The following UBR1 variants were observed in gnomAD, a reference collection of about 807,000 sequenced individuals.
UBR1 encodes the protein E3 ubiquitin-protein ligase UBR1.
In UBR1, 102 loss-of-function variants were observed where a neutral mutation model predicts 242.1. The ratio of observed to expected loss-of-function variants is 0.42; its 90% CI spans 0.36 to 0.50. The LOEUF is 0.50. Among genes scored for constraint, UBR1 ranks in the 20% least tolerant of loss-of-function variants. The pLI, the probability that UBR1 is intolerant of heterozygous loss-of-function variation, is 0.01. For synonymous variants in UBR1, 675 were observed against 684.8 expected (o/e 0.99, Z 0.22); for missense variants, 1,772 against 2,101.8 (o/e 0.84, Z 3.07).
chr15:43,082,091 CAT>C (rs1491280170), intron 3 of UBR1, among the ~76,000 whole-genome samples: 5 of 151,946 alleles, frequency 3.3e-5, no homozygotes, highest in African/African-American at 1.2e-4. Flanking sequence ...TTGAAAACTA[CAT>C]TTTTTTCCTG....
chr15:43,065,099 A>C (rs1044281706), intron 6 of UBR1, among the ~76,000 whole-genome samples: 15 of 152,230 alleles, frequency 9.9e-5, no homozygotes, highest in African/African-American at 3.4e-4. Flanking sequence ...GTTGAAAATC[A>C]TAAGCCTGAT....
chr15:43,044,448 T>A (rs985375050), intron 14 of UBR1, among the ~76,000 whole-genome samples: 10 of 152,154 alleles, frequency 6.6e-5, no homozygotes, highest in Non-Finnish European at 1.5e-4. Context: ...AAGAATCAAA[T>A]CTGGGTGAAT....
chr15:42,993,256 C>T (rs1038721894), intron 33 of UBR1, among the ~76,000 whole-genome samples: 3 of 152,130 alleles, frequency 2.0e-5, no homozygotes, highest in Admixed American at 2.0e-4. Context: ...TAAATTTTGA[C>T]TTTAGTTCCC....
At chr15:43,003,085 C>T (rs1162704456) in intron 31 of UBR1, among the ~76,000 whole-genome samples, 2 of 152,126 alleles carry the variant, frequency 1.3e-5, no homozygotes, top group East Asian at 1.9e-4. Context: ...GTAAACTCTA[C>T]ACAAAAGATT....
intron 23 of UBR1, chr15:43,025,782 T>C (rs1048295110): frequency 3.1e-5 from 7 of 223,298 alleles, no homozygotes; most frequent in Non-Finnish European, 4.4e-5. Flanking sequence ...TGATCCTTCA[T>C]GGGACAAAAA....
Position 42,998,167 on chromosome 15 carries a change from C to T in UBR1, c.3757+1G>A. 6.2e-7 allele frequency: 1 copy of T among 1,611,380 alleles called. No individual in the cohort carries two copies. Among genetic ancestry groups the T allele is most frequent in the South Asian group, 1.1e-5 (1 of 90,948 alleles). ...CTAATATAAAATAAATTTAAGCAAA[C>T]CTTTAGCATGTCTTATATTATAACC... On this transcript the variant is annotated splice_donor_variant, in intron 33 of 46. Transcript: ENST00000290650. LOFTEE classifies it high-confidence loss of function.
At chr15:43,059,616 T>G in intron 8 of UBR1, 86 bp downstream of exon 8, 1 of 1,503,212 alleles carries the variant, frequency 6.7e-7, no homozygotes, top group Non-Finnish European at 9.0e-7. Context: ...AAAAACTTTA[T>G]TTCATACTCA....
At chr15:43,031,603 A>G (rs981649035) in intron 20 of UBR1, among the ~76,000 whole-genome samples, 12 of 152,232 alleles carry the variant, frequency 7.9e-5, no homozygotes, top group South Asian at 2.1e-4. Context: ...CTGACAAACA[A>G]TAAGTAAAAA....
Position 43,086,006 on chromosome 15 carries a change from C to T in UBR1, c.316G>A (p.Gly106Arg). 6.2e-7 allele frequency: 1 copy of T among 1,613,938 alleles called. No homozygotes were observed. Among genetic ancestry groups the T allele is most frequent in the Non-Finnish European group, 8.5e-7 (1 of 1,179,972 alleles). Residue 106 changes from glycine to arginine, a missense_variant, in exon 2 of 47, where the codon GGA (glycine) becomes AGA (arginine). By Grantham distance (125) the Gly-to-Arg change is moderately radical. This residue lies in a region of UBR1 where 734 missense variants were observed against 893.3 expected (regional missense o/e 0.82). Coordinates refer to ENST00000290650, the MANE Select transcript of UBR1 (RefSeq NM_174916.3). ...FQLCGRVFKS[G>R]ETTYSCRDCA... ...TACCTGCAAGAATAGGTTGTCTCTC[C>T]ACTTTTGAAAACCCTCCCACAAAGC... is the stretch of plus-strand genomic sequence containing the variant.
chr15:43,004,239 T>A (rs767950693), intron 30 of UBR1, among the ~76,000 whole-genome samples: 3 of 152,246 alleles, frequency 2.0e-5, no homozygotes, highest in Non-Finnish European at 2.9e-5. Flanking sequence ...GATAATTTAC[T>A]TTTTTAATTT....
intron 39 of UBR1, among the ~76,000 whole-genome samples, chr15:42,975,647 C>T (rs774051681): frequency 2.0e-5 from 3 of 151,892 alleles, no homozygotes; most frequent in Non-Finnish European, 4.4e-5. Context: ...CTTCAGAAGC[C>T]CTTATTGGTC....
chr15:43,056,311 T>C, intron 11 of UBR1, 33 bp downstream of exon 11: 1 of 1,510,262 alleles, frequency 6.6e-7, no homozygotes, highest in Non-Finnish European at 9.2e-7. Flanking sequence ...AAGTTTTACT[T>C]AGAAAGACTG....
chr15:43,007,130 T>C lies in UBR1; in HGVS notation c.3364A>G (p.Lys1122Glu), dbSNP rs780652360. The stretch of plus-strand genomic sequence containing the variant: ...CTGTGCTGGGTTAAGGCAGTAGATT[T>C]CTGGACACAGGCCGATAATACCATG... The part of the protein sequence containing the change: ...NAMVLSACVQ[K>E]STALTQHRGK... The change falls in exon 30 of 47, where the codon AAA becomes GAA. Residue 1122 changes from lysine to glutamate, a missense_variant. Transcript: ENST00000290650. 6.2e-7 allele frequency: 1 copy of C among 1,614,148 alleles called. No individual in the cohort carries two copies. Among genetic ancestry groups the C allele is most frequent in the South Asian group, 1.1e-5 (1 of 91,078 alleles).
intron 33 of UBR1, among the ~76,000 whole-genome samples, chr15:42,996,206 T>C (rs2032635740): frequency 6.6e-6 from 1 of 152,246 alleles, no homozygotes; most frequent in Admixed American, 6.5e-5. Context: ...TTTTATACTA[T>C]AAAATCTGGC....
chr15:43,012,049 AC>A (rs1351598218), intron 29 of UBR1: 1 of 275,748 alleles, frequency 3.6e-6, no homozygotes, highest in Non-Finnish European at 7.3e-6. Flanking sequence ...ACACAGTGAA[AC>A]CCCCTCTCTA....
At chr15:43,059,352 C>T (rs750734187) in intron 8 of UBR1, among the ~76,000 whole-genome samples, 160 bp from the exon 9 acceptor site, 3 of 152,058 alleles carry the variant, frequency 2.0e-5, no homozygotes, top group Non-Finnish European at 4.4e-5. Flanking sequence ...GACATGAGCC[C>T]CTGTACTCAG....
At chr15:42,945,734 G>T (rs1301882055) in intron 46 of UBR1, among the ~76,000 whole-genome samples, 1 of 152,150 alleles carries the variant, frequency 6.6e-6, no homozygotes, top group African/African-American at 2.4e-5. Context: ...CACTTAAATG[G>T]TCACTGAGGT....
chr15:42,966,135 T>C lies in UBR1; in HGVS notation c.4591+18A>G, dbSNP rs774663236. The C allele has an allele frequency of 1.9e-6, 3 of 1,614,154 alleles. No homozygotes were observed. The South Asian group carries it at 3.3e-5, about 18-fold the overall frequency. On this transcript the variant is annotated intron_variant, in intron 41 of 46. Transcript: ENST00000290650. ...AAATCTCCCATTTTCCACTCCATGA[T>C]TTCATTTTTCTACTTACTGGTATGC...
At position 43,058,377 on chromosome 15, in the gene UBR1, C is replaced by T; in HGVS notation, c.1146G>A (p.Met382Ile). 1 of 1,609,830 alleles carries T rather than the reference C, an allele frequency of 6.2e-7. No homozygotes were observed. Among genetic ancestry groups the T allele is most frequent in the East Asian group, 2.2e-5 (1 of 44,718 alleles). ...ELIFSSFFME[M>I]EYKKLFAMEF... Reference sequence around the variant, plus strand: ...CCATAGCAAAGAGTTTTTTGTATTCCATCTCCATAAAAAAACTGCTGAAGA... The same window carrying T: ...CCATAGCAAAGAGTTTTTTGTATTCTATCTCCATAAAAAAACTGCTGAAGA... Residue 382 changes from methionine (M) to isoleucine (I), a missense_variant, in exon 10 of 47, where the codon ATG becomes ATA. Met to Ile is a conservative substitution (Grantham distance 10). Coordinates refer to ENST00000290650, the MANE Select transcript of UBR1 (RefSeq NM_174916.3).
Sources: gnomAD v4.1 joint callset for allele counts (sites outside exome capture counted in the v4.1 genomes callset) on GRCh38, gnomAD v4.1.1 for gene constraint, gnomAD v4.1.1 regional missense constraint, MANE v1.5 for transcripts, NCBI Gene and HGNC (gene_info 2026-07-23, HGNC 2026-07-21) for gene names.